Variants in BRINP3 observed in about 807,000 individuals in gnomAD.
BRINP3 encodes the protein BMP/retinoic acid inducible neural specific 3.
Under a neutral mutation model 71.0 loss-of-function variants are expected in BRINP3, and 19 were observed. The observed-to-expected ratio is 0.27, with a 90% CI of 0.19 to 0.39. The LOEUF (loss-of-function observed/expected upper bound fraction) is 0.39, where lower values mean the gene tolerates loss of function less well. Ranked by LOEUF, BRINP3 falls within the 10% of genes least tolerant of loss-of-function variation. The probability of loss-of-function intolerance (pLI) is 1.00; values close to 1 mark genes in which losing one functional copy is unlikely to be tolerated. For synonymous variants in BRINP3, 380 were observed against 337.7 expected (o/e 1.13, Z -1.37); for missense variants, 959 against 940.8 (o/e 1.02, Z -0.25).
intron 2 of BRINP3, among the ~76,000 whole-genome samples, chr1:190,403,095 T>C (rs1377317761): frequency 1.3e-5 from 2 of 152,220 alleles, no homozygotes; most frequent in Non-Finnish European, 2.9e-5. Context: ...TATATTTAAT[T>C]GTCTTAAATG....
At chr1:190,464,114 A>C (rs187358135) in intron 1 of BRINP3, among the ~76,000 whole-genome samples, 1 of 151,470 alleles carries the variant, frequency 6.6e-6, no homozygotes, top group Non-Finnish European at 1.5e-5. Flanking sequence ...GAATTATAAC[A>C]AAAATTACGT....
chr1:190,182,157 G>A (rs771099241), intron 6 of BRINP3, among the ~76,000 whole-genome samples: 1 of 151,692 alleles, frequency 6.6e-6, no homozygotes, highest in Non-Finnish European at 1.5e-5. Flanking sequence ...GTGTGTCTTG[G>A]TGTGGATTTC....
chr1:190,112,937 C>T (rs1049248183), intron 7 of BRINP3, among the ~76,000 whole-genome samples: 1 of 152,082 alleles, frequency 6.6e-6, no homozygotes. Context: ...TGATGTAGTT[C>T]TTTTTCTTCA....
At position 190,098,969 on chromosome 1, in the gene BRINP3, C is replaced by T. The variant is rs2102234503; in HGVS notation, c.1350G>A (p.Leu450=). Reference sequence around the variant, plus strand: ...GGGTGCGGTTGTCTGGTGCGCATGTCAGGCAGGCAGAGGCGTCTCCCACTG... The same window carrying T: ...GGGTGCGGTTGTCTGGTGCGCATGTTAGGCAGGCAGAGGCGTCTCCCACTG... ...PCTVGDASAC[L]TCAPDNRTRC... Residue 450 remains leucine, a synonymous_variant, in exon 8 of 8, where the codon CTG becomes CTA. Coordinates refer to ENST00000367462, the MANE Select transcript of BRINP3 (RefSeq NM_199051.3). 2.5e-6 allele frequency: 4 copies of T among 1,614,142 alleles called. No individual in the cohort carries two copies. Among genetic ancestry groups the T allele is most frequent in the Non-Finnish European group, 3.4e-6 (4 of 1,180,030 alleles).
chr1:190,302,613 T>C (rs568074800), intron 2 of BRINP3: 30 of 151,932 alleles, frequency 2.0e-4, no homozygotes, highest in African/African-American at 7.0e-4. Context: ...AACCTTTCCT[T>C]AAAAATCCCC....
intron 2 of BRINP3, among the ~76,000 whole-genome samples, chr1:190,301,403 T>C (rs1370379973): frequency 6.6e-6 from 1 of 150,756 alleles, no homozygotes; most frequent in Non-Finnish European, 1.5e-5. Flanking sequence ...AATAGTGTTA[T>C]ATTTTCACTT....
chr1:190,419,981 T>C (rs1438776136), intron 2 of BRINP3, among the ~76,000 whole-genome samples: 4 of 152,004 alleles, frequency 2.6e-5, no homozygotes, highest in Non-Finnish European at 5.9e-5. Context: ...GTATAATATG[T>C]TTGCAAGCAA....
intron 4 of BRINP3, among the ~76,000 whole-genome samples, chr1:190,255,974 T>C (rs1237789786): frequency 6.6e-6 from 1 of 152,200 alleles, no homozygotes; most frequent in East Asian, 1.9e-4. Flanking sequence ...TGTGCCTTTG[T>C]TCTCATTGGT....
At chr1:190,169,596 A>G (rs1380892950) in intron 6 of BRINP3, among the ~76,000 whole-genome samples, 1 of 152,162 alleles carries the variant, frequency 6.6e-6, no homozygotes, top group Non-Finnish European at 1.5e-5. Flanking sequence ...AAGGGCAATT[A>G]TAATTTGTAG....
chr1:190,213,694 C>T (rs1051704537), intron 6 of BRINP3, among the ~76,000 whole-genome samples: 1 of 151,822 alleles, frequency 6.6e-6, no homozygotes, highest in African/African-American at 2.4e-5. Context: ...TTGTGGTACC[C>T]AGAAAAGACT....
At chr1:190,116,120 T>C (rs574501692) in intron 7 of BRINP3, among the ~76,000 whole-genome samples, 1 of 152,126 alleles carries the variant, frequency 6.6e-6, no homozygotes, top group Non-Finnish European at 1.5e-5. Context: ...ATACTGTCTA[T>C]ACTTGATATT....
chr1:190,265,405 C>G (rs1661564064), intron 3 of BRINP3, among the ~76,000 whole-genome samples: 4 of 151,898 alleles, frequency 2.6e-5, no homozygotes, highest in African/African-American at 9.6e-5. Flanking sequence ...TAAAATGAAA[C>G]TGTATTTTAC....
chr1:190,342,800 C>T (rs1667750260), intron 2 of BRINP3: 1 of 151,730 alleles, frequency 6.6e-6, no homozygotes, highest in African/African-American at 2.4e-5. Flanking sequence ...ACTACATGTA[C>T]ATTTTTAGGA....
chr1:190,456,036 T>C (rs748736489), intron 1 of BRINP3, among the ~76,000 whole-genome samples: 6 of 152,190 alleles, frequency 3.9e-5, no homozygotes, highest in Non-Finnish European at 8.8e-5. Flanking sequence ...TTTACTTGCA[T>C]GAGTTCTTAC....
chr1:190,190,914 T>C (rs913804483), intron 6 of BRINP3, among the ~76,000 whole-genome samples: 12 of 152,142 alleles, frequency 7.9e-5, no homozygotes, highest in African/African-American at 2.7e-4. Flanking sequence ...ATCTTTTACA[T>C]ATCAACTTCA....
At chr1:190,144,031 G>A (rs1163385963) in intron 7 of BRINP3, among the ~76,000 whole-genome samples, 1 of 152,092 alleles carries the variant, frequency 6.6e-6, no homozygotes, top group African/African-American at 2.4e-5. Context: ...GCATAGGAGA[G>A]TATTAAGGGG....
intron 7 of BRINP3, among the ~76,000 whole-genome samples, chr1:190,154,399 A>G (rs1656683837): frequency 6.6e-6 from 1 of 152,198 alleles, no homozygotes; most frequent in Non-Finnish European, 1.5e-5. Context: ...CCCTGGGTGT[A>G]GGTGGGAAAA....
At chr1:190,121,000 G>A (rs1050854607) in intron 7 of BRINP3, among the ~76,000 whole-genome samples, 1 of 152,068 alleles carries the variant, frequency 6.6e-6, no homozygotes, top group Admixed American at 6.6e-5. Flanking sequence ...TCAAACTTGG[G>A]AAAATATAAA....
intron 4 of BRINP3, among the ~76,000 whole-genome samples, chr1:190,264,149 T>C (rs1226506702): frequency 6.6e-6 from 1 of 152,186 alleles, no homozygotes; most frequent in Non-Finnish European, 1.5e-5. Context: ...CTAAAACTTA[T>C]TGTTTAGGAG....
Sources: gnomAD v4.1 joint callset for allele counts (sites outside exome capture counted in the v4.1 genomes callset) on GRCh38, gnomAD v4.1.1 for gene constraint, MANE v1.5 for transcripts, NCBI Gene and HGNC (gene_info 2026-07-23, HGNC 2026-07-21) for gene names.